Variants in ENPP3 observed in about 807,000 individuals in gnomAD.
The protein encoded by ENPP3 is ectonucleotide pyrophosphatase/phosphodiesterase 3.
ENPP3 carries 104 observed loss-of-function variants against 117.8 expected under a neutral mutation model. That is an observed-to-expected ratio of 0.88 (90% CI 0.75 to 1.04). ENPP3 has a LOEUF of 1.04. ENPP3 is among the 50% of genes least tolerant of loss of function. The pLI, the probability that ENPP3 is intolerant of heterozygous loss-of-function variation, is 0.00. For missense variants in ENPP3, 1,026 were observed against 1,051.9 expected (o/e 0.98, Z 0.34); for synonymous variants, 380 against 349.9 (o/e 1.09, Z -0.96).
chr6:131,663,155 C>CTTTTTTTTTTTTTTT, intron 6 of ENPP3, among the ~76,000 whole-genome samples: 1 of 141,738 alleles, frequency 7.1e-6, no homozygotes, highest in Non-Finnish European at 1.5e-5. Flanking sequence ...ATGTGGTTGC[C>CTTTTTTTTTTTTTTT]TTTTTTTTTT....
At chr6:131,703,674 A>G (rs1423500524) in intron 15 of ENPP3, among the ~76,000 whole-genome samples, 2 of 149,214 alleles carry the variant, frequency 1.3e-5, no homozygotes, top group East Asian at 2.0e-4. Flanking sequence ...TAATCTTCAT[A>G]TAGAAAAGGC....
Position 131,747,343 on chromosome 6 carries a change from C to T in ENPP3, c.*387C>T, listed in dbSNP as rs1396625024. 1 of 152,856 alleles carries T rather than the reference C, an allele frequency of 6.5e-6. No individual in the cohort carries two copies. Among genetic ancestry groups the T allele is most frequent in the Non-Finnish European group, 1.5e-5 (1 of 68,506 alleles). The allele number at this position is 152,856 out of a possible 1,614,324, so 9.5% of individuals were successfully genotyped here. ...GTCTCACTTGGGAACTGAATCAACT[C>T]TAAATCAGTTTTGTCACAAAACTTT... On this transcript the variant is annotated 3_prime_UTR_variant, in exon 25 of 25. Coordinates refer to ENST00000357639, the MANE Select transcript of ENPP3 (RefSeq NM_005021.5).
intron 9 of ENPP3, 128 bp from the exon 10 acceptor site, chr6:131,676,608 C>A (rs2114392370): frequency 1.6e-6 from 1 of 635,342 alleles, no homozygotes; most frequent in East Asian, 2.8e-5. Context: ...TGAATACCTT[C>A]CAGTATTGTG....
intron 7 of ENPP3, among the ~76,000 whole-genome samples, chr6:131,671,821 G>A (rs1778748974): frequency 6.6e-6 from 1 of 152,150 alleles, no homozygotes; most frequent in South Asian, 2.1e-4. Context: ...TAGGTAGAAT[G>A]TGTGAAAAGT....
At chr6:131,665,962 A>C (rs1233849557) in intron 6 of ENPP3, among the ~76,000 whole-genome samples, 1 of 151,776 alleles carries the variant, frequency 6.6e-6, no homozygotes, top group Non-Finnish European at 1.5e-5. Context: ...TCTTTGACCC[A>C]TTGGTTGTTC....
chr6:131,695,740 C>A (rs1048521362), intron 15 of ENPP3, among the ~76,000 whole-genome samples: 1 of 151,898 alleles, frequency 6.6e-6, no homozygotes, highest in African/African-American at 2.4e-5. Flanking sequence ...ATGGTGAAAC[C>A]CCATCTCTAC....
intron 15 of ENPP3, among the ~76,000 whole-genome samples, chr6:131,708,361 C>G (rs926197832): frequency 6.6e-6 from 1 of 150,442 alleles, no homozygotes; most frequent in African/African-American, 2.5e-5. Flanking sequence ...ACTATTGTTT[C>G]TCTAAGAGTG....
At chr6:131,701,249 G>A in intron 15 of ENPP3, 20 of 1,444,950 alleles carry the variant, frequency 1.4e-5, no homozygotes, top group Non-Finnish European at 1.9e-5. Flanking sequence ...GCAGTCTGGA[G>A]TCCAGTGAGA....
intron 14 of ENPP3, among the ~76,000 whole-genome samples, chr6:131,692,834 TATATG>T (rs1212375255): frequency 7.1e-6 from 1 of 141,718 alleles, no homozygotes. Context: ...ATGATATGTA[TATATG>T]ATATGATATA....
At chr6:131,681,873 T>C (rs1779029865) in intron 11 of ENPP3, among the ~76,000 whole-genome samples, 1 of 152,200 alleles carries the variant, frequency 6.6e-6, no homozygotes, top group East Asian at 1.9e-4. Flanking sequence ...GGAGTTTTAC[T>C]CTTTCACCCA....
At chr6:131,732,440 T>A (rs1213797364) in intron 20 of ENPP3, among the ~76,000 whole-genome samples, 1 of 151,934 alleles carries the variant, frequency 6.6e-6, no homozygotes, top group Non-Finnish European at 1.5e-5. Context: ...TAAGACGGAG[T>A]CTCTCTCCGT....
intron 15 of ENPP3, among the ~76,000 whole-genome samples, chr6:131,706,750 T>C (rs537948939): frequency 6.6e-6 from 1 of 151,634 alleles, no homozygotes; most frequent in South Asian, 2.1e-4. Flanking sequence ...ATTGACTTTT[T>C]GAGATTTAAT....
chr6:131,736,568 A>C (rs1780402454), intron 21 of ENPP3, among the ~76,000 whole-genome samples: 1 of 152,096 alleles, frequency 6.6e-6, no homozygotes, highest in South Asian at 2.1e-4. Flanking sequence ...CGTGGGAATT[A>C]TAGGAGCTAC....
chr6:131,691,251 C>T (rs1265490224), intron 14 of ENPP3, among the ~76,000 whole-genome samples: 2 of 152,108 alleles, frequency 1.3e-5, no homozygotes, highest in Non-Finnish European at 2.9e-5. Flanking sequence ...TTCTGCAGCA[C>T]TCTGACTACA....
At position 131,652,662 on chromosome 6, in the gene ENPP3, G is replaced by T; in HGVS notation, c.398G>T (p.Cys133Phe). The change falls in exon 4 of 25, where the codon TGC (cysteine) becomes TTC (phenylalanine). Residue 133 changes from cysteine to phenylalanine, a missense_variant. Cys to Phe is a radical substitution (Grantham distance 205). Transcript: ENST00000357639. ...TGCTGTGCTGACTATAAGAGTGTTT[G>T]CCAAGGTGAGCAGGAGGATGTTGAC... is the stretch of plus-strand genomic sequence containing the variant. ...KDCCADYKSV[C>F]QGETSWLEEN... is the part of the protein sequence containing the mutation. The T allele has an allele frequency of 6.2e-7, 1 of 1,614,000 alleles. No individual in the cohort carries two copies. Among genetic ancestry groups the T allele is most frequent in the South Asian group, 1.1e-5 (1 of 91,070 alleles).
chr6:131,664,122 GAGGTATTTCAGA>G (rs1562436631), intron 6 of ENPP3, among the ~76,000 whole-genome samples: 1 of 152,130 alleles, frequency 6.6e-6, no homozygotes, highest in Non-Finnish European at 1.5e-5. Flanking sequence ...GGTTTTTCAG[GAGGTATTTCAGA>G]AGAAGGTACT....
At position 131,746,982 on chromosome 6, in the gene ENPP3, A is replaced by G. The variant is rs770427549; in HGVS notation, c.*26A>G. ...CTTAATAATGTCTACTTAATATATA[A>G]TTTACTGTATAAAGTAATTTTGGCA... On this transcript the variant is annotated 3_prime_UTR_variant, in exon 25 of 25. Transcript: ENST00000357639. 2.3e-6 allele frequency: 3 copies of G among 1,311,374 alleles called. No individual in the cohort carries two copies. The South Asian group carries it at 4.7e-5, about 21-fold the overall frequency. The allele number at this position is 1,311,374 out of a possible 1,614,324, so 81.2% of individuals were successfully genotyped here.
chr6:131,680,286 G>T (rs959012867), intron 11 of ENPP3, among the ~76,000 whole-genome samples: 1 of 152,128 alleles, frequency 6.6e-6, no homozygotes, highest in Non-Finnish European at 1.5e-5. Flanking sequence ...GGGTGAGGGG[G>T]TTGGGGGATC....
chr6:131,671,996 A>G (rs1429345511), intron 7 of ENPP3, among the ~76,000 whole-genome samples: 2 of 152,228 alleles, frequency 1.3e-5, no homozygotes, highest in African/African-American at 4.8e-5. Flanking sequence ...AACAGTAACT[A>G]TGACATTTAC....
Sources: allele counts gnomAD v4.1 joint callset (sites outside exome capture counted in the v4.1 genomes callset), GRCh38; gene constraint gnomAD v4.1.1; transcripts MANE v1.5; gene names NCBI Gene and HGNC (gene_info 2026-07-23, HGNC 2026-07-21).